The following SNTG1 variants were observed in gnomAD, a reference collection of about 807,000 sequenced individuals.
The protein encoded by SNTG1 is syntrophin gamma 1, also known as gamma-1-syntrophin.
Under a neutral mutation model 74.7 loss-of-function variants are expected in SNTG1, and 39 were observed. The ratio of observed to expected loss-of-function variants is 0.52; its 90% CI spans 0.40 to 0.68. SNTG1 has a LOEUF of 0.68. SNTG1 is among the 30% of genes least tolerant of loss of function. The pLI, the probability that SNTG1 is intolerant of heterozygous loss-of-function variation, is 0.00. For missense variants in SNTG1, 685 were observed against 609.5 expected (o/e 1.12, Z -1.30); for synonymous variants, 254 against 217.1 (o/e 1.17, Z -1.49).
At chr8:50,145,150 G>A (rs974643736) in intron 1 of SNTG1, among the ~76,000 whole-genome samples, 1 of 152,166 alleles carries the variant, frequency 6.6e-6, no homozygotes, top group Admixed American at 6.5e-5. Flanking sequence ...CAGAGCCCTG[G>A]CCACCTGGAG....
intron 15 of SNTG1, among the ~76,000 whole-genome samples, chr8:50,699,162 G>C (rs999936748): frequency 2.0e-5 from 3 of 151,578 alleles, no homozygotes; most frequent in East Asian, 1.9e-4. Context: ...TTTTAAAAAG[G>C]GTTCTGGGAA....
At chr8:50,140,053 G>A (rs535562465) in intron 1 of SNTG1, among the ~76,000 whole-genome samples, 8 of 152,180 alleles carry the variant, frequency 5.3e-5, no homozygotes, top group Admixed American at 1.3e-4. Context: ...GTAAATGGCC[G>A]CGAAACTTGC....
intron 13 of SNTG1, among the ~76,000 whole-genome samples, chr8:50,653,214 C>T (rs956794841): frequency 1.8e-4 from 27 of 151,906 alleles, no homozygotes; most frequent in East Asian, 1.9e-4. Flanking sequence ...AAGTCCTAGA[C>T]GATCAGCTCG....
chr8:50,741,206 C>T lies in SNTG1; in HGVS notation c.1285-10795C>T, dbSNP rs560496158. On this transcript the variant is annotated intron_variant, in intron 17 of 18. Coordinates refer to ENST00000642720, the MANE Select transcript of SNTG1 (RefSeq NM_018967.5). ...GTGGTGCAATCTCAGTTCATCGCAA[C>T]ACTCACCTCCTGGGTTCAAGCAATT... is the stretch of plus-strand genomic sequence containing the variant. Among the ~76,000 whole-genome samples the T allele has an allele frequency of 5.3e-5, 8 of 152,094 alleles. 1 individual carries two copies. The South Asian group carries it at 1.7e-3, about 32-fold the overall frequency.
intron 4 of SNTG1, among the ~76,000 whole-genome samples, chr8:50,427,899 C>T (rs138301455): frequency 1.3e-5 from 2 of 152,252 alleles, no homozygotes; most frequent in East Asian, 1.9e-4. Flanking sequence ...ATATATTTGT[C>T]TAACTCAATT....
At chr8:50,111,054 T>G (rs1020398724) in intron 1 of SNTG1, among the ~76,000 whole-genome samples, 1 of 152,156 alleles carries the variant, frequency 6.6e-6, no homozygotes, top group African/African-American at 2.4e-5. Flanking sequence ...TTTAGACAGA[T>G]TTTCTGAGGA....
intron 4 of SNTG1, among the ~76,000 whole-genome samples, chr8:50,421,561 C>T (rs2131460440): frequency 6.6e-6 from 1 of 152,234 alleles, no homozygotes; most frequent in Non-Finnish European, 1.5e-5. Flanking sequence ...GTGCCAACCT[C>T]TTATCTCATC....
At chr8:50,639,487 A>G (rs1298712978) in intron 13 of SNTG1, among the ~76,000 whole-genome samples, 1 of 152,036 alleles carries the variant, frequency 6.6e-6, no homozygotes, top group East Asian at 1.9e-4. Flanking sequence ...AAAGAACTAT[A>G]AGAAATATTA....
intron 5 of SNTG1, among the ~76,000 whole-genome samples, chr8:50,439,093 T>G (rs1563388481): frequency 6.6e-6 from 1 of 152,194 alleles, no homozygotes; most frequent in Non-Finnish European, 1.5e-5. Flanking sequence ...GCATATGCTT[T>G]ATTTTAAAAG....
intron 1 of SNTG1, among the ~76,000 whole-genome samples, chr8:49,914,643 A>T (rs1805865452): frequency 1.3e-5 from 2 of 152,202 alleles, no homozygotes; most frequent in Admixed American, 1.3e-4. Flanking sequence ...TTGGATTTTA[A>T]TGCTCACAGT....
intron 17 of SNTG1, among the ~76,000 whole-genome samples, chr8:50,737,070 A>T (rs2095530714): frequency 1.3e-5 from 2 of 152,132 alleles, no homozygotes. Context: ...ATCAGAGCAG[A>T]AATGAAGGAA....
intron 1 of SNTG1, among the ~76,000 whole-genome samples, chr8:50,162,585 A>AG (rs2082461688): frequency 6.6e-6 from 1 of 151,022 alleles, no homozygotes; most frequent in Non-Finnish European, 1.5e-5. Context: ...AAAGAAAAAA[A>AG]AAGAAAGAAA....
rs570884681 is a variant in SNTG1 at position 49,991,872 on chromosome 8, T to C, written c.-103+79641T>C. On this transcript the variant is annotated intron_variant, in intron 1 of 18. Coordinates refer to ENST00000642720, the MANE Select transcript of SNTG1 (RefSeq NM_018967.5). ...TATGGTGGCATGTTCTAAAATTAGA[T>C]AGCTGTGATGTTTGCACAACTGTAT... Among the ~76,000 whole-genome samples the C allele has an allele frequency of 1.3e-3, 193 of 152,300 alleles. 2 individuals carry two copies. Among genetic ancestry groups the C allele is most frequent in the African/African-American group, 4.5e-3 (185 of 41,544 alleles).
intron 12 of SNTG1, among the ~76,000 whole-genome samples, chr8:50,579,301 A>T (rs1272160631): frequency 6.6e-6 from 1 of 152,218 alleles, no homozygotes; most frequent in African/African-American, 2.4e-5. Flanking sequence ...ATCTGATGGA[A>T]GAAATTTCTA....
intron 9 of SNTG1, among the ~76,000 whole-genome samples, chr8:50,508,113 C>T (rs2094026152): frequency 6.6e-6 from 1 of 152,148 alleles, no homozygotes; most frequent in Non-Finnish European, 1.5e-5. Flanking sequence ...GTTCCCCTTC[C>T]TGTGTTCATG....
At chr8:50,275,362 TA>T (rs1344476226) in intron 2 of SNTG1, among the ~76,000 whole-genome samples, 1 of 152,216 alleles carries the variant, frequency 6.6e-6, no homozygotes, top group Non-Finnish European at 1.5e-5. Flanking sequence ...TGTTATTTTT[TA>T]AATCTTTGTC....
At chr8:49,971,709 T>C (rs964225035) in intron 1 of SNTG1, among the ~76,000 whole-genome samples, 3 of 152,124 alleles carry the variant, frequency 2.0e-5, no homozygotes, top group African/African-American at 7.2e-5. Flanking sequence ...CAAGCATTCT[T>C]ATACACCAAT....
At chr8:50,593,424 A>G (rs1326037659) in intron 13 of SNTG1, among the ~76,000 whole-genome samples, 1 of 152,162 alleles carries the variant, frequency 6.6e-6, no homozygotes, top group Non-Finnish European at 1.5e-5. Flanking sequence ...AGAACTATCC[A>G]AAATATTTTT....
intron 17 of SNTG1, among the ~76,000 whole-genome samples, chr8:50,740,683 T>C (rs966239755): frequency 6.6e-6 from 1 of 152,032 alleles, no homozygotes; most frequent in Non-Finnish European, 1.5e-5. Flanking sequence ...TAAAGAGAGA[T>C]GCACAAGTAT....
Sources: allele counts gnomAD v4.1 joint callset (sites outside exome capture counted in the v4.1 genomes callset), GRCh38; gene constraint gnomAD v4.1.1; transcripts MANE v1.5; gene names NCBI Gene and HGNC (gene_info 2026-07-23, HGNC 2026-07-21).